Variants in EEF1E1 observed in about 807,000 individuals in gnomAD.
The protein encoded by EEF1E1 is eukaryotic translation elongation factor 1 epsilon-1.
A neutral mutation model predicts 19.9 loss-of-function variants in EEF1E1; 19 were observed. That is an observed-to-expected ratio of 0.95 (90% CI 0.66 to 1.40). The LOEUF (loss-of-function observed/expected upper bound fraction) is 1.40. Ranked by LOEUF, EEF1E1 falls within the 40% of genes most tolerant of loss-of-function variation. EEF1E1 has a pLI of 0.00. For missense variants in EEF1E1, 198 were observed against 202.2 expected (o/e 0.98, Z 0.13); for synonymous variants, 81 against 80.0 (o/e 1.01, Z -0.07).
intron 3 of EEF1E1, chr6:8,073,535 T>C: frequency 6.4e-7 from 1 of 1,551,426 alleles, no homozygotes; most frequent in Non-Finnish European, 8.7e-7. Context: ...AAAAAAGGAG[T>C]TAATTCACTT....
intron 3 of EEF1E1, among the ~76,000 whole-genome samples, chr6:8,085,093 C>A (rs187542425): frequency 1.8e-4 from 28 of 152,258 alleles, no homozygotes; most frequent in African/African-American, 6.5e-4. Context: ...ACTTTCACTA[C>A]AGAGATAAAA....
chr6:8,073,742 A>C (rs888895856), intron 3 of EEF1E1, among the ~76,000 whole-genome samples: 1 of 152,278 alleles, frequency 6.6e-6, no homozygotes, highest in African/African-American at 2.4e-5. Flanking sequence ...AAATTGTATT[A>C]TATCCCAATT....
chr6:8,097,158 AGAAG>A, intron 2 of EEF1E1, 105 bp downstream of exon 2: 1 of 1,058,934 alleles, frequency 9.4e-7, no homozygotes, highest in Non-Finnish European at 1.4e-6. Context: ...CTACTGAGGC[AGAAG>A]GAAAGAGGTG....
chr6:8,097,770 ACT>A (rs887833843), intron 1 of EEF1E1, among the ~76,000 whole-genome samples: 212 of 152,256 alleles, frequency 1.4e-3, no homozygotes, highest in African/African-American at 4.8e-3. Context: ...GAAAATGGAA[ACT>A]CTAATTATAC....
chr6:8,094,285 A>G (rs1010176599), intron 2 of EEF1E1, among the ~76,000 whole-genome samples: 2 of 152,008 alleles, frequency 1.3e-5, no homozygotes, highest in African/African-American at 2.4e-5. Context: ...TTAGCCTAGC[A>G]GTTTCTCTTG....
intron 3 of EEF1E1, chr6:8,073,650 A>C: frequency 8.1e-7 from 1 of 1,237,760 alleles, no homozygotes; most frequent in South Asian, 1.7e-5. Context: ...GTATTAACAG[A>C]TCTTCATAAC....
chr6:8,090,256 T>G lies in EEF1E1; in HGVS notation c.314A>C (p.Lys105Thr). 1 of 1,489,834 alleles carries G rather than the reference T, an allele frequency of 6.7e-7. No homozygotes were observed. Among genetic ancestry groups the G allele is most frequent in the Non-Finnish European group, 8.9e-7 (1 of 1,128,426 alleles). The allele number at this position is 1,489,834 out of a possible 1,614,324, so 92.3% of individuals were successfully genotyped here. Residue 105 changes from lysine (K) to threonine (T), a missense_variant, in exon 3 of 4, where the codon AAA (lysine) becomes ACA (threonine). By Grantham distance (78) the Lys-to-Thr change is moderately conservative. Coordinates refer to ENST00000379715, the MANE Select transcript of EEF1E1 (RefSeq NM_004280.5). ...LKDLNSYLED[K>T]VYLTGYNFTL... is the part of the protein sequence containing the mutation. ...AAAGTTATACCCTGTAAGGTAGACT[T>G]TATCTTCAAGATATGAATTAAGATC...
chr6:8,098,739 G>A lies in EEF1E1; in HGVS notation c.88-1272C>T, dbSNP rs190850864. On this transcript the variant is annotated intron_variant, in intron 1 of 3. Coordinates refer to ENST00000379715, the MANE Select transcript of EEF1E1 (RefSeq NM_004280.5). ...GTAATGTTCTACTCCTTGACTGGGT[G>A]GTTACCTGAGTGTGTGAACTTGGTG... 7.9e-5 allele frequency among the ~76,000 whole-genome samples: 12 copies of A among 152,266 alleles called. No individual in the cohort carries two copies. The East Asian group carries it at 2.3e-3, about 29-fold the overall frequency.
intron 3 of EEF1E1, chr6:8,089,855 A>C (rs1009301553): frequency 3.5e-6 from 1 of 283,698 alleles, no homozygotes. Flanking sequence ...TCACTGCTGA[A>C]GAAGGGCAGA....
At chr6:8,101,735 CTA>C (rs752851681) in intron 1 of EEF1E1, 335 of 1,288,462 alleles carry the variant, frequency 2.6e-4, no homozygotes, top group Non-Finnish European at 3.3e-4. Flanking sequence ...CACAAACGTT[CTA>C]ACAGTGCCTA....
At chr6:8,073,623 AAC>A in intron 3 of EEF1E1, 1 of 1,401,144 alleles carries the variant, frequency 7.1e-7, no homozygotes, top group East Asian at 2.7e-5. Flanking sequence ...TAAAAGTTTT[AAC>A]AGATATTTTA....
intron 1 of EEF1E1, among the ~76,000 whole-genome samples, 158 bp downstream of exon 1, chr6:8,102,277 C>T (rs1361445527): frequency 6.6e-6 from 1 of 152,174 alleles, no homozygotes; most frequent in Non-Finnish European, 1.5e-5. Context: ...GGGGCCGAGG[C>T]CCAGAGGCGC....
At chr6:8,080,193 T>C (rs1232040895) in intron 3 of EEF1E1, among the ~76,000 whole-genome samples, 163 bp from the exon 4 acceptor site, 1 of 152,216 alleles carries the variant, frequency 6.6e-6, no homozygotes, top group Non-Finnish European at 1.5e-5. Flanking sequence ...TTCAGCCCAG[T>C]GAACACTGAC....
chr6:8,097,881 T>C (rs1031983922), intron 1 of EEF1E1, among the ~76,000 whole-genome samples: 2 of 152,202 alleles, frequency 1.3e-5, no homozygotes, highest in Non-Finnish European at 2.9e-5. Flanking sequence ...ACGACAGCAA[T>C]ATAAAGGATC....
chr6:8,087,008 C>T (rs536882404), intron 3 of EEF1E1, among the ~76,000 whole-genome samples: 6 of 152,096 alleles, frequency 3.9e-5, no homozygotes, highest in African/African-American at 1.2e-4. Context: ...GTGGTTTAGG[C>T]GCCTGAGAGA....
At chr6:8,085,999 T>A (rs1030438550) in intron 3 of EEF1E1, among the ~76,000 whole-genome samples, 1 of 152,202 alleles carries the variant, frequency 6.6e-6, no homozygotes, top group Non-Finnish European at 1.5e-5. Flanking sequence ...ATAGTGGGCA[T>A]ACACAGTGGG....
intron 1 of EEF1E1, among the ~76,000 whole-genome samples, chr6:8,099,193 C>T (rs933615915): frequency 3.3e-5 from 5 of 152,198 alleles, no homozygotes; most frequent in African/African-American, 9.7e-5. Flanking sequence ...TATGCAATAG[C>T]GTGCAATGCA....
rs942764776 is a variant in EEF1E1, at chr6:8,092,869, C to CTTTTTTT, written c.289-2595_289-2589dup. ...TTTTGTGTTTTAGTGATAAAGACTG[C>CTTTTTTT]TTTTTTTTTTTTTTTTTTTTTTTGA... is the stretch of plus-strand genomic sequence containing the variant. On this transcript the variant is annotated intron_variant, in intron 2 of 3. Transcript: ENST00000379715. 4.3e-4 allele frequency among the ~76,000 whole-genome samples: 40 copies of CTTTTTTT among 93,748 alleles called. 1 individual carries two copies. Among genetic ancestry groups the CTTTTTTT allele is most frequent in the South Asian group, 7.5e-4 (2 of 2,662 alleles). The allele number at this position is 93,748 out of a possible 152,430, so 61.5% of individuals were successfully genotyped here. A position where few individuals can be genotyped will look rare whatever the true frequency, so the allele number is the denominator to read the frequency against.
intron 3 of EEF1E1, among the ~76,000 whole-genome samples, chr6:8,083,853 C>T (rs555157616): frequency 6.6e-6 from 1 of 152,326 alleles, no homozygotes; most frequent in South Asian, 2.1e-4. Context: ...ATCTGCACCT[C>T]ACACCCACCC....
Sources: gnomAD v4.1 joint callset for allele counts (sites outside exome capture counted in the v4.1 genomes callset) on GRCh38, gnomAD v4.1.1 for gene constraint, MANE v1.5 for transcripts, NCBI Gene and HGNC (gene_info 2026-07-23, HGNC 2026-07-21) for gene names.